SGCD: variants seen among roughly 807,000 people sequenced by gnomAD.
SGCD encodes sarcoglycan delta.
A neutral mutation model predicts 36.6 loss-of-function variants in SGCD; 18 were observed. The ratio of observed to expected loss-of-function variants is 0.49; its 90% confidence interval spans 0.34 to 0.73. SGCD has a LOEUF of 0.73. Ranked by LOEUF, SGCD falls within the 30% of genes least tolerant of loss-of-function variation. SGCD has a pLI of 0.01. For missense variants in SGCD, 387 were observed against 346.7 expected, an observed-to-expected ratio of 1.12 and a Z score of -0.92; for synonymous variants, 133 against 130.6, an observed-to-expected ratio of 1.02 and a Z score of -0.12.
At chr5:156,068,709 C>G (rs1308839858) in intron 1 of SGCD, among the ~76,000 whole-genome samples, 1 of 151,742 alleles carries the variant, frequency 6.6e-6, no homozygotes, top group Non-Finnish European at 1.5e-5. Context: ...CTGACTTCCA[C>G]AATGGTTGAA....
chr5:155,891,051 G>A (rs557710257), intron 1 of SGCD, among the ~76,000 whole-genome samples: 4 of 152,266 alleles, frequency 2.6e-5, no homozygotes, highest in South Asian at 4.1e-4. Flanking sequence ...ACCCAACAAC[G>A]AATATCCTAG....
At chr5:156,431,910 T>C (rs936933585) in intron 3 of SGCD, among the ~76,000 whole-genome samples, 8 of 152,116 alleles carry the variant, frequency 5.3e-5, no homozygotes, top group African/African-American at 1.9e-4. Flanking sequence ...GAGAAGGGGT[T>C]TCACCATGTT....
chr5:156,736,630 A>G (rs1756381657), intron 7 of SGCD, among the ~76,000 whole-genome samples: 1 of 152,150 alleles, frequency 6.6e-6, no homozygotes, highest in South Asian at 2.1e-4. Context: ...TGGTTACCTG[A>G]GCCCCATCTC....
chr5:156,576,687 AT>A (rs1437695204), intron 4 of SGCD, among the ~76,000 whole-genome samples: 4 of 151,838 alleles, frequency 2.6e-5, no homozygotes, highest in Non-Finnish European at 2.9e-5. Flanking sequence ...GATGATAAGC[AT>A]TTTTTCATGT....
intron 1 of SGCD, among the ~76,000 whole-genome samples, chr5:156,045,703 A>G (rs889369299): frequency 1.3e-5 from 2 of 152,134 alleles, no homozygotes; most frequent in Non-Finnish European, 2.9e-5. Context: ...ATGTCCTCCA[A>G]TGGCCATTCC....
intron 6 of SGCD, among the ~76,000 whole-genome samples, chr5:156,607,713 T>TG (rs1276605278): frequency 2.5e-3 from 1 of 406 alleles, no homozygotes; most frequent in African/African-American, 9.8e-3. Flanking sequence ...AATTTTTCCC[T>TG]CATTTCAGAG....
rs1561904360 is a variant in SGCD at position 156,766,655 on chromosome 5, A to G, written c.*7265A>G. 6.6e-6 allele frequency: 1 copy of G among 150,554 alleles called. No individual in the cohort carries two copies. 9.3% of individuals were successfully genotyped at this position (150,554 alleles called of 1,614,324 possible). The stretch of plus-strand genomic sequence containing the variant: ...AATGAGTGCATCTGAAGTTCCTTAC[A>G]GCTTGGTTTCTTTGGAATGCTTTCA... On this transcript the variant is annotated 3_prime_UTR_variant, in exon 9 of 9. Transcript: ENST00000337851.
At chr5:155,749,323 C>G in the SGCD span, among the ~76,000 whole-genome samples, 1 of 152,160 alleles carries the variant, frequency 6.6e-6, no homozygotes, top group Non-Finnish European at 1.5e-5. Flanking sequence ...ATGCTATTTA[C>G]TCCTTTGCAA....
At chr5:156,381,351 C>T (rs553947052) in intron 3 of SGCD, among the ~76,000 whole-genome samples, 23 of 152,264 alleles carry the variant, frequency 1.5e-4, no homozygotes, top group Non-Finnish European at 2.8e-4. Context: ...GTGTCCTCTG[C>T]GAATCCTAAT....
Position 156,763,919 on chromosome 5 carries a change from A to T in SGCD, c.*4529A>T, listed in dbSNP as rs1349267914. The T allele has an allele frequency of 6.6e-6, 1 of 152,156 alleles. No individual in the cohort carries two copies. Among genetic ancestry groups the T allele is most frequent in the Non-Finnish European group, 1.5e-5 (1 of 68,024 alleles). The allele number at this position is 152,156 out of a possible 1,614,324, so 9.4% of individuals were successfully genotyped here. On this transcript the variant is annotated 3_prime_UTR_variant, in exon 9 of 9. Transcript: ENST00000337851. ...AGATCAGAGTATCTTGCTTTATTTT[A>T]TAAAGGCCAAAGGTAGTATGAAGTT...
intron 3 of SGCD, among the ~76,000 whole-genome samples, chr5:156,426,173 A>T (rs1483715375): frequency 3.9e-5 from 6 of 152,086 alleles, no homozygotes. Flanking sequence ...TTACAATTCT[A>T]CTAGCAACGT....
chr5:155,852,973 C>T, the SGCD span, among the ~76,000 whole-genome samples: 1 of 152,030 alleles, frequency 6.6e-6, no homozygotes. Flanking sequence ...GGGACATGCT[C>T]CTAATAATTC....
intron 1 of SGCD, among the ~76,000 whole-genome samples, chr5:156,112,196 G>C (rs1438727572): frequency 6.6e-6 from 1 of 152,140 alleles, no homozygotes; most frequent in Non-Finnish European, 1.5e-5. Context: ...AATTAAGATA[G>C]ACATTTTTGG....
chr5:156,134,257 A>G (rs192919327), intron 3 of SGCD, among the ~76,000 whole-genome samples: 3 of 152,314 alleles, frequency 2.0e-5, no homozygotes, highest in African/African-American at 7.2e-5. Context: ...GAGTCAATCT[A>G]TGCCCATCTC....
intron 1 of SGCD, among the ~76,000 whole-genome samples, chr5:155,893,802 T>TAGAGTGTACTTACACAAAC (rs1554102719): frequency 6.6e-6 from 1 of 152,222 alleles, no homozygotes; most frequent in Non-Finnish European, 1.5e-5. Context: ...GCTAACATAA[T>TAGAGTGTACTTACACAAAC]AGAGTGTACT....
chr5:156,738,593 G>A (rs1167857762), intron 7 of SGCD: 2 of 152,156 alleles, frequency 1.3e-5, no homozygotes, highest in Non-Finnish European at 2.9e-5. Context: ...TGAACATTTT[G>A]GATTAAAATT....
chr5:155,868,506 A>G (rs1755569697), upstream of SGCD, among the ~76,000 whole-genome samples: 1 of 151,794 alleles, frequency 6.6e-6, no homozygotes, highest in Non-Finnish European at 1.5e-5. Flanking sequence ...GTGCCTGACT[A>G]GGAAGACCAT....
the SGCD span, among the ~76,000 whole-genome samples, chr5:155,849,293 C>A: frequency 6.6e-6 from 1 of 152,042 alleles, no homozygotes. Flanking sequence ...TTTAAGTTCA[C>A]CAACTGAAAT....
intron 3 of SGCD, among the ~76,000 whole-genome samples, chr5:156,406,036 G>GAAAAAAAAAAAAAAAAAAAAAAATT (rs79259925): frequency 1.5e-5 from 2 of 136,628 alleles, no homozygotes; most frequent in South Asian, 4.9e-4. Flanking sequence ...AAAAAAAAAG[G>GAAAAAAAAAAAAAAAAAAAAAAATT]CCTCTGGGCA....
Sources: allele counts gnomAD v4.1 joint callset (sites outside exome capture counted in the v4.1 genomes callset), GRCh38; gene constraint gnomAD v4.1.1; transcripts MANE v1.5; gene names NCBI Gene and HGNC (gene_info 2026-07-23, HGNC 2026-07-21).